Variants in MYO5B observed in about 807,000 individuals in gnomAD.
The protein encoded by MYO5B is myosin VB.
In MYO5B, 143 loss-of-function variants were observed where a neutral mutation model predicts 229.3. That is an observed-to-expected ratio of 0.62 (90% CI 0.54 to 0.72). MYO5B has a LOEUF of 0.72. Among genes scored for constraint, MYO5B ranks in the 30% least tolerant of loss-of-function variants. The pLI is 0.00. For missense variants in MYO5B, 2,321 were observed against 2,331.0 expected (o/e 1.00, Z 0.09); for synonymous variants, 918 against 885.2 (o/e 1.04, Z -0.66).
chr18:50,029,860 C>T (rs2026369138), intron 4 of MYO5B, among the ~76,000 whole-genome samples: 1 of 152,126 alleles, frequency 6.6e-6, no homozygotes, highest in Admixed American at 6.5e-5. Flanking sequence ...CATAGCATAC[C>T]ACTTACAGGA....
intron 34 of MYO5B, among the ~76,000 whole-genome samples, chr18:49,842,919 C>G (rs1038463406): frequency 6.6e-6 from 1 of 152,204 alleles, no homozygotes; most frequent in Admixed American, 6.5e-5. Context: ...TTGGCTGCAG[C>G]AGGATGTCTC....
rs975599657 is a variant in MYO5B at position 50,118,590 on chromosome 18, T to C, written c.28-63212A>G. Reference sequence around the variant, plus strand: ...GGGTACATGTGCACAACGTGCAGGTTTGTTACATATGTATACATGTGCCAT... The same window carrying C: ...GGGTACATGTGCACAACGTGCAGGTCTGTTACATATGTATACATGTGCCAT... On this transcript the variant is annotated intron_variant, in intron 1 of 39. Coordinates refer to ENST00000285039, the MANE Select transcript of MYO5B (RefSeq NM_001080467.3). 8.0e-4 allele frequency among the ~76,000 whole-genome samples: 121 copies of C among 152,182 alleles called. 3 individuals are homozygous for C. The highest frequency in any genetic ancestry group is 7.5e-4 in the Non-Finnish European group (51 of 68,038).
Position 49,974,470 on chromosome 18 carries a change from C to A in MYO5B, c.1202G>T (p.Arg401Leu). The A allele has an allele frequency of 6.2e-7, 1 of 1,614,150 alleles. No individual in the cohort carries two copies. The highest frequency in any genetic ancestry group is 1.1e-5 in the South Asian group (1 of 91,080). ...ATAGATGTGCTTCGCCAGGGCGTTG[C>A]GCGCATTGATCACCTGCTGCAGGGA... ...TMSLQQVINARNALAKHIYAQ... is the reference protein window; with the variant it reads ...TMSLQQVINALNALAKHIYAQ... The change falls in exon 10 of 40, where the codon CGC becomes CTC. Residue 401 changes from arginine to leucine, a missense_variant. Transcript: ENST00000285039.
chr18:49,966,281 G>T (rs2025624590), intron 10 of MYO5B, among the ~76,000 whole-genome samples: 1 of 152,144 alleles, frequency 6.6e-6, no homozygotes, highest in Non-Finnish European at 1.5e-5. Flanking sequence ...CACAGCCTTT[G>T]GCCATGCCCA....
intron 10 of MYO5B, among the ~76,000 whole-genome samples, chr18:49,973,911 T>C (rs752364980): frequency 2.0e-5 from 3 of 152,128 alleles, no homozygotes; most frequent in South Asian, 2.1e-4. Flanking sequence ...GGTACTAAAA[T>C]AGCCACCTTG....
intron 1 of MYO5B, among the ~76,000 whole-genome samples, chr18:50,075,124 C>T (rs897926734): frequency 6.6e-6 from 1 of 152,118 alleles, no homozygotes; most frequent in African/African-American, 2.4e-5. Context: ...AGTTACATCT[C>T]TAGTGCCAAG....
In MYO5B at chr18:50,188,615, C is replaced by T. The variant is rs182263603; in HGVS notation, c.27+6152G>A. Among the ~76,000 whole-genome samples, 57 of 151,862 alleles carry T rather than the reference C, an allele frequency of 3.8e-4. No individual in the cohort carries two copies. In the East Asian group the frequency reaches 0.01, roughly 27 times the overall value. ...CATCCTGGCCAACATGGTAAAACCCCGTCTCTACTAAAAATACAAAAAGTA... is the reference window on the plus strand; with the variant it reads ...CATCCTGGCCAACATGGTAAAACCCTGTCTCTACTAAAAATACAAAAAGTA... On this transcript the variant is annotated intron_variant, in intron 1 of 39. Transcript: ENST00000285039.
chr18:49,870,760 AAAAT>A (rs201992736), intron 27 of MYO5B, among the ~76,000 whole-genome samples: 9 of 152,278 alleles, frequency 5.9e-5, no homozygotes, highest in African/African-American at 1.4e-4. Context: ...TACTATCAAA[AAAAT>A]AAATAAATAA....
chr18:49,880,173 T>C (rs1198728129), intron 23 of MYO5B, among the ~76,000 whole-genome samples, 198 bp downstream of exon 23: 1 of 152,220 alleles, frequency 6.6e-6, no homozygotes, highest in Non-Finnish European at 1.5e-5. Flanking sequence ...CCATTATACG[T>C]GTCTCACCTC....
intron 1 of MYO5B, among the ~76,000 whole-genome samples, chr18:50,153,120 T>C (rs558961076): frequency 2.6e-5 from 4 of 152,304 alleles, no homozygotes; most frequent in Admixed American, 2.0e-4. Context: ...GACTAATCAA[T>C]GTCCTGTGGC....
chr18:50,048,763 C>T (rs886822454), intron 2 of MYO5B, among the ~76,000 whole-genome samples: 8 of 152,150 alleles, frequency 5.3e-5, no homozygotes, highest in Non-Finnish European at 7.4e-5. Flanking sequence ...TGGCTCATGC[C>T]TGTAATCCCA....
chr18:50,090,754 A>G (rs1178262666), intron 1 of MYO5B, among the ~76,000 whole-genome samples: 2 of 152,210 alleles, frequency 1.3e-5, no homozygotes, highest in Non-Finnish European at 1.5e-5. Flanking sequence ...ATAATGCAGC[A>G]CAGGGGAGCT....
intron 1 of MYO5B, among the ~76,000 whole-genome samples, chr18:50,176,924 T>G (rs1481696075): frequency 1.3e-5 from 2 of 152,210 alleles, no homozygotes; most frequent in African/African-American, 4.8e-5. Flanking sequence ...TATTTATGGT[T>G]ACATCTGAAG....
At chr18:50,037,084 A>C in intron 3 of MYO5B, 90 bp from the exon 4 acceptor site, 1 of 1,445,248 alleles carries the variant, frequency 6.9e-7, no homozygotes, top group Non-Finnish European at 9.7e-7. Context: ...TACACATGCC[A>C]AAAACCAAAG....
At position 50,054,003 on chromosome 18, in the gene MYO5B, G is replaced by A. The variant is rs537819005; in HGVS notation, c.138+1265C>T. 5.9e-5 allele frequency among the ~76,000 whole-genome samples: 9 copies of A among 152,006 alleles called. No individual in the cohort carries two copies. The East Asian group carries it at 9.7e-4, about 16-fold the overall frequency. On this transcript the variant is annotated intron_variant, in intron 2 of 39. Transcript: ENST00000285039. ...TTCCAAACCTATTTTTCTCCCAGTC[G>A]TCTCCCCCACCGTAAAGCCTGCATG...
At chr18:50,010,016 C>T (rs1309495306) in intron 4 of MYO5B, among the ~76,000 whole-genome samples, 1 of 152,186 alleles carries the variant, frequency 6.6e-6, no homozygotes, top group Non-Finnish European at 1.5e-5. Flanking sequence ...CAGGCCAGGG[C>T]ACCACTCAGC....
At chr18:50,120,514 A>G (rs903480709) in intron 1 of MYO5B, among the ~76,000 whole-genome samples, 3 of 152,168 alleles carry the variant, frequency 2.0e-5, no homozygotes, top group African/African-American at 7.2e-5. Context: ...TACGAAGTGG[A>G]ACTGTCAGAG....
Position 50,082,795 on chromosome 18 carries a change from T to G in MYO5B, c.28-27417A>C, listed in dbSNP as rs2031249496. 2.0e-5 allele frequency among the ~76,000 whole-genome samples: 3 copies of G among 152,234 alleles called. No individual in the cohort carries two copies. In the South Asian group the frequency reaches 6.2e-4, roughly 31 times the overall value. ...AAATTTGAGGAAGAAAACAGCCAGT[T>G]TAGGCAAAGAACTGTTTTTACTCAC... On this transcript the variant is annotated intron_variant, in intron 1 of 39. Transcript: ENST00000285039.
chr18:50,000,574 C>T (rs1368591911), intron 5 of MYO5B, among the ~76,000 whole-genome samples: 2 of 152,198 alleles, frequency 1.3e-5, no homozygotes, highest in Non-Finnish European at 2.9e-5. Flanking sequence ...CATTCTGATC[C>T]TAAAGCATGC....
Sources: gnomAD v4.1 joint callset for allele counts (sites outside exome capture counted in the v4.1 genomes callset) on GRCh38, gnomAD v4.1.1 for gene constraint, MANE v1.5 for transcripts, NCBI Gene and HGNC (gene_info 2026-07-23, HGNC 2026-07-21) for gene names.